PSMA1: variants seen among roughly 807,000 people sequenced by gnomAD.
PSMA1 encodes proteasome 20S subunit alpha 1.
PSMA1 carries 3 observed loss-of-function variants against 38.4 expected under a neutral mutation model. The observed-to-expected ratio is 0.08, with a 90% CI of 0.04 to 0.20. The LOEUF is 0.20. Among genes scored for constraint, PSMA1 ranks in the 10% least tolerant of loss-of-function variants. The pLI, the probability that PSMA1 is intolerant of heterozygous loss-of-function variation, is 1.00. For synonymous variants in PSMA1, 101 were observed against 107.1 expected (o/e 0.94, Z 0.35); for missense variants, 227 against 325.3 (o/e 0.70, Z 2.32).
At chr11:14,623,632 T>C (rs954155618) in intron 1 of PSMA1, among the ~76,000 whole-genome samples, 1 of 152,168 alleles carries the variant, frequency 6.6e-6, no homozygotes, top group Non-Finnish European at 1.5e-5. Context: ...ATGGAAGAGA[T>C]TGTGAACAGT....
chr11:14,606,317 T>C (rs1852642876), intron 2 of PSMA1, among the ~76,000 whole-genome samples: 1 of 152,062 alleles, frequency 6.6e-6, no homozygotes, highest in Non-Finnish European at 1.5e-5. Context: ...AAATCACCTC[T>C]TTTCAGGATG....
intron 2 of PSMA1, among the ~76,000 whole-genome samples, chr11:14,526,729 C>T (rs1851589650): frequency 6.6e-6 from 1 of 152,176 alleles, no homozygotes; most frequent in Non-Finnish European, 1.5e-5. Context: ...ACCCCCATGA[C>T]TGTATCTCTC....
At chr11:14,507,329 A>G (rs374657904) in intron 9 of PSMA1, among the ~76,000 whole-genome samples, 1 of 151,988 alleles carries the variant, frequency 6.6e-6, no homozygotes, top group African/African-American at 2.4e-5. Flanking sequence ...CATGACGCCC[A>G]GCTAATTTTT....
chr11:14,553,596 T>A (rs1370659215), intron 2 of PSMA1, among the ~76,000 whole-genome samples: 1 of 152,178 alleles, frequency 6.6e-6, no homozygotes, highest in Non-Finnish European at 1.5e-5. Context: ...TGGCTTTTTT[T>A]TTTCACTCAG....
chr11:14,638,535 CTCTCTCTCTCTATATATATATATATA>C (rs1232491898), intron 1 of PSMA1, among the ~76,000 whole-genome samples: 1,003 of 25,498 alleles, frequency 0.039, 11 homozygotes, highest in Non-Finnish European at 0.052. Flanking sequence ...CTCTCTCTCT[CTCTCTCTCTCTATATATATATATATA>C]TATATATATA....
intron 2 of PSMA1, among the ~76,000 whole-genome samples, chr11:14,589,965 T>G (rs919388856): frequency 6.6e-6 from 1 of 152,210 alleles, no homozygotes; most frequent in Admixed American, 6.5e-5. Context: ...GATGGATGAA[T>G]GGATAAACAG....
chr11:14,582,489 C>A (rs971466541), intron 2 of PSMA1, among the ~76,000 whole-genome samples: 16 of 152,130 alleles, frequency 1.1e-4, no homozygotes, highest in African/African-American at 3.6e-4. Flanking sequence ...AACCAAAAAA[C>A]CCCTAGCAAA....
chr11:14,642,619 C>T (rs192247585), intron 1 of PSMA1, among the ~76,000 whole-genome samples: 9 of 152,278 alleles, frequency 5.9e-5, no homozygotes, highest in African/African-American at 2.2e-4. Flanking sequence ...GGTTTCTCAT[C>T]TGCCTGGAAA....
At chr11:14,637,686 TTAAGA>T (rs1295072369) in intron 1 of PSMA1, among the ~76,000 whole-genome samples, 1 of 152,148 alleles carries the variant, frequency 6.6e-6, no homozygotes, top group Non-Finnish European at 1.5e-5. Context: ...GGCCATGAAA[TTAAGA>T]TAATATTATG....
intron 2 of PSMA1, among the ~76,000 whole-genome samples, chr11:14,569,088 T>C (rs900930203): frequency 2.0e-5 from 3 of 152,212 alleles, no homozygotes; most frequent in African/African-American, 4.8e-5. Context: ...TGGCTTCTTG[T>C]TACTTGTGCA....
At chr11:14,633,661 T>C (rs946134225) in intron 1 of PSMA1, among the ~76,000 whole-genome samples, 2 of 152,224 alleles carry the variant, frequency 1.3e-5, no homozygotes, top group Non-Finnish European at 2.9e-5. Flanking sequence ...TGTGGTGGGC[T>C]CCACCCAGTT....
chr11:14,621,174 T>A (rs1852839456), intron 1 of PSMA1, among the ~76,000 whole-genome samples: 1 of 152,356 alleles, frequency 6.6e-6, no homozygotes, highest in East Asian at 1.9e-4. Flanking sequence ...CTAGTGGGCA[T>A]AATTGCACTC....
intron 2 of PSMA1, among the ~76,000 whole-genome samples, chr11:14,586,774 T>C (rs1158396593): frequency 6.6e-6 from 1 of 152,030 alleles, no homozygotes. Flanking sequence ...TTCTTTCTTT[T>C]TTTTTTAGAT....
chr11:14,541,210 A>G (rs1324552935), intron 2 of PSMA1, among the ~76,000 whole-genome samples: 1 of 152,234 alleles, frequency 6.6e-6, no homozygotes, highest in African/African-American at 2.4e-5. Context: ...ATCCTTGCAT[A>G]AAACCCTTTG....
intron 1 of PSMA1, among the ~76,000 whole-genome samples, chr11:14,638,449 A>G (rs928197464): frequency 6.9e-6 from 1 of 144,522 alleles, no homozygotes; most frequent in Admixed American, 6.9e-5. Flanking sequence ...AATCCTTTTG[A>G]GCTCCTCTTG....
intron 2 of PSMA1, among the ~76,000 whole-genome samples, chr11:14,556,949 C>T (rs1318312819): frequency 6.6e-6 from 1 of 152,196 alleles, no homozygotes; most frequent in Non-Finnish European, 1.5e-5. Flanking sequence ...AATCCTTCCA[C>T]ATCAGCCTTC....
At chr11:14,536,844 T>C (rs1365788720) in intron 2 of PSMA1, among the ~76,000 whole-genome samples, 1 of 152,120 alleles carries the variant, frequency 6.6e-6, no homozygotes, top group Non-Finnish European at 1.5e-5. Flanking sequence ...CTCAATCTCC[T>C]GACCTCGTGA....
chr11:14,538,759 C>T (rs573126053), intron 2 of PSMA1, among the ~76,000 whole-genome samples: 2 of 152,236 alleles, frequency 1.3e-5, no homozygotes, highest in South Asian at 2.1e-4. Context: ...GAGGACAGGG[C>T]TGCCAAGGCA....
At chr11:14,541,911 T>C (rs1368463777) in intron 2 of PSMA1, among the ~76,000 whole-genome samples, 1 of 152,248 alleles carries the variant, frequency 6.6e-6, no homozygotes, top group Non-Finnish European at 1.5e-5. Context: ...TTTGCAAATA[T>C]ATTGCCGCTT....
Sources: gnomAD v4.1 joint callset for allele counts (sites outside exome capture counted in the v4.1 genomes callset) on GRCh38, gnomAD v4.1.1 for gene constraint, MANE v1.5 for transcripts, NCBI Gene and HGNC (gene_info 2026-07-23, HGNC 2026-07-21) for gene names.